CNTNAP5: variants seen among roughly 807,000 people sequenced by gnomAD.
The protein encoded by CNTNAP5 is contactin-associated protein-like 5.
Under a neutral mutation model 150.2 loss-of-function variants are expected in CNTNAP5, and 72 were observed. The ratio of observed to expected loss-of-function variants is 0.48; its 90% CI spans 0.40 to 0.58. The LOEUF (loss-of-function observed/expected upper bound fraction) is 0.58. Among genes scored for constraint, CNTNAP5 ranks in the 20% least tolerant of loss-of-function variants. The pLI is 0.00. For missense variants in CNTNAP5, 1,636 were observed against 1,626.2 expected (o/e 1.01, Z -0.10); for synonymous variants, 672 against 619.8 (o/e 1.08, Z -1.25).
rs1474480684 is a variant in CNTNAP5 at position 124,084,922 on chromosome 2, C to CTTTTTTTTTTT, written c.82+59191_82+59192insTTTTTTTTTTT. ...TTTAAAAATTATGAATTCAAGTTTC[C>CTTTTTTTTTTT]TGTTTTTTTTTTTTTTTGAGACGGA... is the stretch of plus-strand genomic sequence containing the variant. On this transcript the variant is annotated intron_variant, in intron 1 of 23. Coordinates refer to ENST00000682447, the MANE Select transcript of CNTNAP5 (RefSeq NM_001367498.1). 6.0e-3 allele frequency among the ~76,000 whole-genome samples: 109 copies of CTTTTTTTTTTT among 18,070 alleles called. 2 individuals carry two copies. The highest frequency in any genetic ancestry group is 7.2e-3 in the Admixed American group (10 of 1,386). 11.9% of individuals were successfully genotyped at this position (18,070 alleles called of 152,430 possible).
chr2:124,241,673 TC>T (rs1207230284), intron 2 of CNTNAP5, among the ~76,000 whole-genome samples: 1 of 152,142 alleles, frequency 6.6e-6, no homozygotes, highest in Admixed American at 6.5e-5. Context: ...AAAGGCATAG[TC>T]GGTGTCCTTT....
intron 1 of CNTNAP5, among the ~76,000 whole-genome samples, chr2:124,053,531 T>C (rs1681764371): frequency 6.6e-6 from 1 of 152,170 alleles, no homozygotes; most frequent in Non-Finnish European, 1.5e-5. Context: ...GGCCTTGCTA[T>C]GGATAAACTC....
At chr2:124,108,102 GCTGT>G (rs1234827193) in intron 1 of CNTNAP5, among the ~76,000 whole-genome samples, 2 of 152,184 alleles carry the variant, frequency 1.3e-5, no homozygotes, top group Non-Finnish European at 2.9e-5. Context: ...CAGAGCGATG[GCTGT>G]CTGTCCTGCA....
At chr2:124,208,443 G>A (rs1685919219) in intron 1 of CNTNAP5, among the ~76,000 whole-genome samples, 1 of 152,144 alleles carries the variant, frequency 6.6e-6, no homozygotes, top group Non-Finnish European at 1.5e-5. Flanking sequence ...TCTTTCCAAT[G>A]CCTTAGCTTG....
chr2:124,038,582 A>G (rs1025518301), intron 1 of CNTNAP5, among the ~76,000 whole-genome samples: 10 of 152,204 alleles, frequency 6.6e-5, no homozygotes, highest in African/African-American at 2.4e-4. Context: ...TCAAGGAATG[A>G]AGCCTTAAAT....
intron 22 of CNTNAP5, among the ~76,000 whole-genome samples, chr2:124,906,704 G>A (rs1678544970): frequency 6.6e-6 from 1 of 152,094 alleles, no homozygotes; most frequent in African/African-American, 2.4e-5. Context: ...TGTAAAAATT[G>A]AGAAATAAAT....
intron 6 of CNTNAP5, among the ~76,000 whole-genome samples, chr2:124,453,209 C>T (rs900415768): frequency 6.6e-6 from 1 of 152,022 alleles, no homozygotes; most frequent in African/African-American, 2.4e-5. Context: ...TAGGAATCAA[C>T]AGATGCACTT....
intron 11 of CNTNAP5, among the ~76,000 whole-genome samples, chr2:124,593,124 TTTA>T (rs1248392340): frequency 9.9e-4 from 147 of 147,934 alleles, no homozygotes; most frequent in Middle Eastern, 3.6e-3. Flanking sequence ...TATTTATTTA[TTTA>T]TTATTATTAT....
At chr2:124,571,177 GT>G (rs1329752203) in intron 11 of CNTNAP5, among the ~76,000 whole-genome samples, 1 of 152,186 alleles carries the variant, frequency 6.6e-6, no homozygotes, top group Non-Finnish European at 1.5e-5. Flanking sequence ...CTTCAGTCTA[GT>G]TTGGGGCACA....
intron 2 of CNTNAP5, among the ~76,000 whole-genome samples, chr2:124,224,659 C>T (rs1686412646): frequency 6.6e-6 from 1 of 151,730 alleles, no homozygotes. Context: ...GACATAGTAA[C>T]ATATACATGC....
intron 12 of CNTNAP5, among the ~76,000 whole-genome samples, chr2:124,640,886 G>A (rs1678077286): frequency 6.6e-6 from 1 of 151,924 alleles, no homozygotes; most frequent in East Asian, 1.9e-4. Context: ...CAGCACTTTG[G>A]GAGACCGAGG....
intron 1 of CNTNAP5, among the ~76,000 whole-genome samples, chr2:124,066,006 G>A (rs1041447989): frequency 6.6e-6 from 1 of 152,118 alleles, no homozygotes; most frequent in Non-Finnish European, 1.5e-5. Flanking sequence ...ATATGCTCTC[G>A]AGGTAGAGTA....
Position 124,527,313 on chromosome 2 carries a change from A to G in CNTNAP5, c.1506A>G (p.Gln502=), listed in dbSNP as rs991041145. 1.2e-6 allele frequency: 2 copies of G among 1,613,480 alleles called. No homozygotes were observed. The highest frequency in any genetic ancestry group is 1.7e-6 in the Non-Finnish European group (2 of 1,179,720). ...GGCPDNLTDS[Q]CLNPIKAFQG... ...GCCCCGACAATCTCACCGATTCCCA[A>G]TGTTTAAATCCCATTAAGGCTTTCC... The change falls in exon 10 of 24, where the codon CAA becomes CAG. Residue 502 remains glutamine, a synonymous_variant. Transcript: ENST00000682447.
At chr2:124,488,757 A>T (rs1165423730) in intron 7 of CNTNAP5, among the ~76,000 whole-genome samples, 1 of 152,200 alleles carries the variant, frequency 6.6e-6, no homozygotes, top group Non-Finnish European at 1.5e-5. Context: ...AACTTGAAGG[A>T]TCTGATGAAA....
At chr2:124,832,627 T>C (rs964877390) in intron 19 of CNTNAP5, among the ~76,000 whole-genome samples, 5 of 152,134 alleles carry the variant, frequency 3.3e-5, no homozygotes, top group Admixed American at 2.6e-4. Flanking sequence ...TACCTTTTTT[T>C]TCCTTCAATT....
intron 7 of CNTNAP5, among the ~76,000 whole-genome samples, chr2:124,493,301 C>T (rs1694072642): frequency 6.6e-6 from 1 of 151,328 alleles, no homozygotes; most frequent in Non-Finnish European, 1.5e-5. Context: ...GCAGCCTCTC[C>T]TTATTTAATT....
Position 124,362,624 on chromosome 2 carries a change from G to A in CNTNAP5, c.382-54819G>A, listed in dbSNP as rs903539640. Among the ~76,000 whole-genome samples the A allele has an allele frequency of 2.0e-5, 3 of 152,244 alleles. No individual in the cohort carries two copies. In the South Asian group the frequency reaches 6.2e-4, roughly 32 times the overall value. ...GAAAAAGAAAACTGTTATTTATGGGGCTGTGAAGGAATAATCATTGTAGTA... is the reference window on the plus strand; with the variant it reads ...GAAAAAGAAAACTGTTATTTATGGGACTGTGAAGGAATAATCATTGTAGTA... On this transcript the variant is annotated intron_variant, in intron 3 of 23. Transcript: ENST00000682447.
chr2:124,107,640 G>T (rs1037414915), intron 1 of CNTNAP5, among the ~76,000 whole-genome samples: 3 of 152,216 alleles, frequency 2.0e-5, no homozygotes, highest in African/African-American at 4.8e-5. Flanking sequence ...TTCCTCTGGT[G>T]ACTGTATCAA....
At chr2:124,272,808 T>G (rs1311808467) in intron 3 of CNTNAP5, among the ~76,000 whole-genome samples, 4 of 152,202 alleles carry the variant, frequency 2.6e-5, no homozygotes, top group African/African-American at 9.6e-5. Flanking sequence ...ATTATTTCAT[T>G]AATATTTTTA....
Sources: gnomAD v4.1 joint callset for allele counts (sites outside exome capture counted in the v4.1 genomes callset) on GRCh38, gnomAD v4.1.1 for gene constraint, MANE v1.5 for transcripts, NCBI Gene and HGNC (gene_info 2026-07-23, HGNC 2026-07-21) for gene names.